The following SWAP70 variants were observed in gnomAD, a reference collection of about 807,000 sequenced individuals.
SWAP70 encodes the protein switch-associated protein 70.
SWAP70 carries 34 observed loss-of-function variants against 80.2 expected under a neutral mutation model. That is an observed-to-expected ratio of 0.42 (90% confidence interval 0.32 to 0.56). SWAP70 has a LOEUF of 0.56. Among genes scored for constraint, SWAP70 ranks in the 20% least tolerant of loss-of-function variants. The probability of loss-of-function intolerance (pLI) is 0.09; values close to 1 mark genes in which losing one functional copy is unlikely to be tolerated. For missense variants in SWAP70, 578 were observed against 690.7 expected, an observed-to-expected ratio of 0.84 and a Z score of 1.83; for synonymous variants, 239 against 238.5, an observed-to-expected ratio of 1.00 and a Z score of -0.02.
Position 9,719,093 on chromosome 11 carries a change from C to CAAAAAAAAA in SWAP70, c.414+5463_414+5471dup, listed in dbSNP as rs3049796. On this transcript the variant is annotated intron_variant, in intron 3 of 11. Transcript: ENST00000318950. ...TGGGGGACAGAGCGAGACACTGAAT[C>CAAAAAAAAA]AAAAAAAAAAAAAAAAAGATATAAT... is the stretch of plus-strand genomic sequence containing the variant. Among the ~76,000 whole-genome samples the CAAAAAAAAA allele has an allele frequency of 2.2e-3, 213 of 95,706 alleles. 3 individuals carry two copies. The highest frequency in any genetic ancestry group is 8.3e-3 in the African/African-American group (195 of 23,362). The allele number at this position is 95,706 out of a possible 152,430, so 62.8% of individuals were successfully genotyped here.
At chr11:9,672,430 T>C (rs1850430426) in intron 1 of SWAP70, among the ~76,000 whole-genome samples, 2 of 151,162 alleles carry the variant, frequency 1.3e-5, no homozygotes. Context: ...AGTGGCACGA[T>C]CATAGCTCAC....
intron 3 of SWAP70, among the ~76,000 whole-genome samples, chr11:9,714,970 CTTTTT>C (rs34803928): frequency 2.7e-5 from 3 of 110,028 alleles, no homozygotes; most frequent in African/African-American, 7.4e-5. Flanking sequence ...CCACACCTGC[CTTTTT>C]TTTTTTTTTT....
chr11:9,715,606 G>T (rs1043929124), intron 3 of SWAP70, among the ~76,000 whole-genome samples: 2 of 152,208 alleles, frequency 1.3e-5, no homozygotes, highest in Non-Finnish European at 2.9e-5. Flanking sequence ...TTACAATCAT[G>T]GCAGAAGGTG....
intron 2 of SWAP70, among the ~76,000 whole-genome samples, chr11:9,702,016 C>G (rs986182576): frequency 6.6e-6 from 1 of 152,098 alleles, no homozygotes; most frequent in African/African-American, 2.4e-5. Context: ...TAACAGAAGC[C>G]TTTTTGTATT....
intron 2 of SWAP70, among the ~76,000 whole-genome samples, chr11:9,695,313 G>A (rs917446762): frequency 1.3e-5 from 2 of 151,526 alleles, no homozygotes; most frequent in Non-Finnish European, 2.9e-5. Flanking sequence ...AAAAAAATAC[G>A]TGCACACGTA....
In SWAP70 at chr11:9,664,233, A is replaced by G. The variant is rs752560648; in HGVS notation, c.54A>G (p.Ala18=). ...LLKAIWHAFT[A]LDQDHSGKVS... ...AAGCCATCTGGCACGCCTTCACCGC[A>G]CTCGACCAGGACCACAGCGGCAAGG... Residue 18 remains alanine (A), a synonymous_variant, in exon 1 of 12, where the codon GCA becomes GCG. Coordinates refer to ENST00000318950, the MANE Select transcript of SWAP70 (RefSeq NM_015055.4). The G allele has an allele frequency of 3.1e-6, 5 of 1,595,182 alleles. No individual in the cohort carries two copies. The highest frequency in any genetic ancestry group is 4.6e-5 in the East Asian group (2 of 43,702).
At chr11:9,720,932 C>T (rs563086990) in intron 3 of SWAP70, among the ~76,000 whole-genome samples, 96 of 152,304 alleles carry the variant, frequency 6.3e-4, no homozygotes, top group African/African-American at 2.3e-3. Flanking sequence ...TCTCCTACCT[C>T]AGCCTCCCGA....
Position 9,713,579 on chromosome 11 carries a change from A to C in SWAP70, c.354A>C (p.Ile118=). 6.2e-7 allele frequency: 1 copy of C among 1,614,000 alleles called. No individual in the cohort carries two copies. Among genetic ancestry groups the C allele is most frequent in the Non-Finnish European group, 8.5e-7 (1 of 1,179,954 alleles). ...TTACAGAAGAAGATGCATTTAAAAT[A>C]TGGGTTATTTTCAACTTTTTATCTG... The part of the protein sequence containing the change: ...LLITEEDAFK[I]WVIFNFLSED... The change falls in exon 3 of 12, where the codon ATA becomes ATC. Residue 118 remains isoleucine, a synonymous_variant. Transcript: ENST00000318950.
intron 1 of SWAP70, among the ~76,000 whole-genome samples, chr11:9,673,637 GTC>G (rs1850448236): frequency 6.6e-6 from 1 of 152,200 alleles, no homozygotes; most frequent in African/African-American, 2.4e-5. Context: ...ATTCTTCTTG[GTC>G]TCTCTGTGTA....
intron 2 of SWAP70, among the ~76,000 whole-genome samples, chr11:9,708,938 C>G (rs1850958262): frequency 6.6e-6 from 1 of 152,136 alleles, no homozygotes; most frequent in African/African-American, 2.4e-5. Flanking sequence ...CTCTGTCACC[C>G]AGACTAGAGT....
At chr11:9,743,492 T>C (rs1851469729) in intron 9 of SWAP70, among the ~76,000 whole-genome samples, 1 of 151,248 alleles carries the variant, frequency 6.6e-6, no homozygotes, top group Admixed American at 6.6e-5. Flanking sequence ...TCCACAAAGG[T>C]TGAACTAGTT....
chr11:9,736,195 G>GT (rs1851360818), intron 7 of SWAP70, among the ~76,000 whole-genome samples: 1 of 151,860 alleles, frequency 6.6e-6, no homozygotes, highest in East Asian at 1.9e-4. Context: ...TTTCCATTTG[G>GT]TTTTTTCTGT....
intron 2 of SWAP70, among the ~76,000 whole-genome samples, chr11:9,704,294 A>G (rs1197385582): frequency 6.6e-6 from 1 of 152,040 alleles, no homozygotes; most frequent in Non-Finnish European, 1.5e-5. Flanking sequence ...TGGAGTTGCT[A>G]CCTGCTTTAG....
chr11:9,694,550 TTC>T (rs1198118459), intron 2 of SWAP70, among the ~76,000 whole-genome samples: 3 of 152,172 alleles, frequency 2.0e-5, no homozygotes, highest in Non-Finnish European at 2.9e-5. Flanking sequence ...TCTGTACCTA[TTC>T]TCTCTCAGGG....
intron 4 of SWAP70, chr11:9,725,185 C>G (rs771398572): frequency 5.4e-5 from 13 of 242,708 alleles, no homozygotes; most frequent in Admixed American, 2.2e-4. Flanking sequence ...ACCATGTTGG[C>G]CAGGCTGGTC....
At position 9,732,546 on chromosome 11, in the gene SWAP70, C is replaced by T. The variant is rs1438692253; in HGVS notation, c.916C>T (p.His306Tyr). Residue 306 changes from histidine (H) to tyrosine (Y), a missense_variant, in exon 7 of 12, where the codon CAT (histidine) becomes TAT (tyrosine). Physicochemically the swap from His to Tyr is moderately conservative, Grantham distance 83. Coordinates refer to ENST00000318950, the MANE Select transcript of SWAP70 (RefSeq NM_015055.4). ...EWIQAIHSTIHLLKLGSPPPH... is the reference protein window; with the variant it reads ...EWIQAIHSTIYLLKLGSPPPH... ...TTTTACAGCCATTCATTCTACTATT[C>T]ATCTGTTGAAGCTGGGCAGCCCTCC... The T allele has an allele frequency of 2.5e-6, 4 of 1,605,828 alleles. No individual in the cohort carries two copies. The South Asian group carries it at 4.4e-5, about 18-fold the overall frequency.
Position 9,738,285 on chromosome 11 carries a change from G to T in SWAP70, c.1153G>T (p.Ala385Ser). ...CCTTCAGACTCAAGTGGAACTTCAG[G>T]CCAGGTTCAGCACAGAGCTGGAAAG... Reference protein sequence around the residue: ...KRLQTQVELQARFSTELEREK... With the variant: ...KRLQTQVELQSRFSTELEREK... Residue 385 changes from alanine (A) to serine (S), a missense_variant, in exon 8 of 12, where the codon GCC becomes TCC. Coordinates refer to ENST00000318950, the MANE Select transcript of SWAP70 (RefSeq NM_015055.4). 6.2e-7 allele frequency: 1 copy of T among 1,610,660 alleles called. No individual in the cohort carries two copies. Among genetic ancestry groups the T allele is most frequent in the Non-Finnish European group, 8.5e-7 (1 of 1,178,420 alleles).
chr11:9,674,381 G>A (rs185627235), intron 1 of SWAP70, among the ~76,000 whole-genome samples: 30 of 151,984 alleles, frequency 2.0e-4, no homozygotes, highest in South Asian at 6.2e-4. Flanking sequence ...CAATAAAATC[G>A]AACTATAGAA....
intron 3 of SWAP70, among the ~76,000 whole-genome samples, chr11:9,721,094 G>A (rs1851128993): frequency 6.6e-6 from 1 of 152,222 alleles, no homozygotes; most frequent in South Asian, 2.1e-4. Flanking sequence ...GGGATGACAG[G>A]CGTGAGCCAC....
Sources: allele counts gnomAD v4.1 joint callset (sites outside exome capture counted in the v4.1 genomes callset), GRCh38; gene constraint gnomAD v4.1.1; transcripts MANE v1.5; gene names NCBI Gene and HGNC (gene_info 2026-07-23, HGNC 2026-07-21).